Variants in PAK5 observed in about 807,000 individuals in gnomAD.
The protein encoded by PAK5 is serine/threonine-protein kinase PAK 5.
A neutral mutation model predicts 65.9 loss-of-function variants in PAK5; 16 were observed. That is an observed-to-expected ratio of 0.24 (90% CI 0.16 to 0.37). The LOEUF (loss-of-function observed/expected upper bound fraction) is 0.37. Among genes scored for constraint, PAK5 ranks in the 10% least tolerant of loss-of-function variants. The probability of loss-of-function intolerance (pLI) is 1.00; values close to 1 mark genes in which losing one functional copy is unlikely to be tolerated. For synonymous variants in PAK5, 371 were observed against 354.9 expected (o/e 1.05, Z -0.51); for missense variants, 785 against 903.9 (o/e 0.87, Z 1.69).
chr20:9,834,031 C>T (rs192199204), intron 1 of PAK5, among the ~76,000 whole-genome samples: 11 of 152,218 alleles, frequency 7.2e-5, no homozygotes, highest in Admixed American at 7.2e-4. Flanking sequence ...AAAAACATTA[C>T]TGAAATTTTG....
chr20:9,701,174 A>C (rs6039553), intron 2 of PAK5, among the ~76,000 whole-genome samples: 51,729 of 151,786 alleles, frequency 0.34, 9,191 homozygotes, highest in African/African-American at 0.45. Context: ...ATTTCTCTCT[A>C]TATATATAGA....
intron 7 of PAK5, among the ~76,000 whole-genome samples, chr20:9,551,272 T>A (rs2045423706): frequency 6.6e-6 from 1 of 152,106 alleles, no homozygotes; most frequent in African/African-American, 2.4e-5. Flanking sequence ...TTACTTTGGG[T>A]AGAATTGTGC....
At chr20:9,570,365 G>T (rs6133724) in intron 4 of PAK5, among the ~76,000 whole-genome samples, 59,594 of 152,072 alleles carry the variant, frequency 0.39, 15,586 homozygotes, top group African/African-American at 0.76. Context: ...ACAAGATGTA[G>T]TTAACATTAA....
chr20:9,560,959 A>G (rs1187093958), intron 6 of PAK5, among the ~76,000 whole-genome samples: 1 of 152,206 alleles, frequency 6.6e-6, no homozygotes, highest in African/African-American at 2.4e-5. Flanking sequence ...CTGCATTTCT[A>G]ACAAGCTCCC....
chr20:9,663,103 T>C (rs1358780701), intron 2 of PAK5, among the ~76,000 whole-genome samples: 5 of 152,214 alleles, frequency 3.3e-5, no homozygotes, highest in African/African-American at 1.2e-4. Context: ...GAAGATGGAT[T>C]CTATTGTAAT....
chr20:9,592,408 C>T (rs1370132460), intron 3 of PAK5, among the ~76,000 whole-genome samples: 5 of 152,294 alleles, frequency 3.3e-5, no homozygotes, highest in African/African-American at 1.2e-4. Flanking sequence ...GTACTAGTTA[C>T]CCCTAGGGGA....
At chr20:9,828,086 C>A (rs13038856) in intron 1 of PAK5, among the ~76,000 whole-genome samples, 1 of 152,022 alleles carries the variant, frequency 6.6e-6, no homozygotes, top group Non-Finnish European at 1.5e-5. Context: ...CCACCCACCT[C>A]GGCCTCCCAG....
intron 1 of PAK5, among the ~76,000 whole-genome samples, chr20:9,745,512 T>G (rs1054337386): frequency 2.0e-5 from 3 of 152,136 alleles, no homozygotes; most frequent in Non-Finnish European, 4.4e-5. Context: ...TAACTCATCT[T>G]GGCTAATGAA....
intron 3 of PAK5, among the ~76,000 whole-genome samples, chr20:9,601,825 C>T (rs775196066): frequency 7.2e-4 from 110 of 152,272 alleles, no homozygotes; most frequent in African/African-American, 2.2e-3. Flanking sequence ...TGCCAAGAGG[C>T]GTCCAGAACA....
At chr20:9,691,319 G>A (rs1303683488) in intron 2 of PAK5, among the ~76,000 whole-genome samples, 1 of 152,136 alleles carries the variant, frequency 6.6e-6, no homozygotes, top group Non-Finnish European at 1.5e-5. Context: ...ACACTCAGAC[G>A]GTGGTGGGAG....
At chr20:9,742,195 T>C (rs913594062) in intron 1 of PAK5, among the ~76,000 whole-genome samples, 6 of 152,108 alleles carry the variant, frequency 3.9e-5, no homozygotes, top group African/African-American at 1.4e-4. Flanking sequence ...TGTGAATCTG[T>C]GCACAGCAAG....
intron 1 of PAK5, among the ~76,000 whole-genome samples, chr20:9,772,729 G>A (rs541709807): frequency 2.0e-5 from 3 of 152,228 alleles, no homozygotes; most frequent in Non-Finnish European, 4.4e-5. Flanking sequence ...TGAAGTAGAT[G>A]TTGTCAGTGC....
intron 3 of PAK5, among the ~76,000 whole-genome samples, chr20:9,625,358 T>C (rs547667235): frequency 3.3e-5 from 5 of 152,306 alleles, no homozygotes; most frequent in African/African-American, 1.2e-4. Flanking sequence ...TACCCTTAAT[T>C]GAAGAGCTAA....
chr20:9,645,623 T>C (rs535793634), intron 2 of PAK5, among the ~76,000 whole-genome samples: 6 of 152,068 alleles, frequency 3.9e-5, no homozygotes, highest in Non-Finnish European at 8.8e-5. Flanking sequence ...ATCGCTCTGT[T>C]GCCCAGGCTG....
At chr20:9,786,413 T>C (rs1045680130) in intron 1 of PAK5, among the ~76,000 whole-genome samples, 1 of 152,166 alleles carries the variant, frequency 6.6e-6, no homozygotes, top group African/African-American at 2.4e-5. Flanking sequence ...ATTCTAACAC[T>C]GGCCTCATCT....
At chr20:9,542,061 T>G (rs539158025) in intron 9 of PAK5, among the ~76,000 whole-genome samples, 1 of 152,310 alleles carries the variant, frequency 6.6e-6, no homozygotes, top group South Asian at 2.1e-4. Flanking sequence ...AAAAACAGAC[T>G]CATACAACCA....
At chr20:9,741,283 G>T (rs2048448017) in intron 1 of PAK5, among the ~76,000 whole-genome samples, 1 of 152,058 alleles carries the variant, frequency 6.6e-6, no homozygotes, top group African/African-American at 2.4e-5. Flanking sequence ...GAAATAAGAA[G>T]GGAACAAGAC....
chr20:9,757,280 T>C (rs867997049), intron 1 of PAK5, among the ~76,000 whole-genome samples: 4 of 152,204 alleles, frequency 2.6e-5, no homozygotes, highest in Admixed American at 2.6e-4. Flanking sequence ...TAAGGAGTTT[T>C]ATTACAAGTC....
rs200394446 is a variant in PAK5, at chr20:9,730,013, AAGAG to A, written c.-161-18582_-161-18579del. ...GGCAACAGGGAAAAAAAAAAAAAAAAAGAGAGAGAGAGAGAGAGAATTGTCTCGA... is the reference window on the plus strand; with the variant it reads ...GGCAACAGGGAAAAAAAAAAAAAAAAAGAGAGAGAGAGAGAATTGTCTCGA... On this transcript the variant is annotated intron_variant, in intron 1 of 9. Coordinates refer to ENST00000353224, the MANE Select transcript of PAK5 (RefSeq NM_177990.4). Among the ~76,000 whole-genome samples the A allele has an allele frequency of 3.1e-3, 405 of 131,342 alleles. 29 individuals are homozygous for A. Among genetic ancestry groups the A allele is most frequent in the Middle Eastern group, 8.8e-3 (2 of 226 alleles). The allele number at this position is 131,342 out of a possible 152,430, so 86.2% of individuals were successfully genotyped here.
Sources: allele counts gnomAD v4.1 joint callset (sites outside exome capture counted in the v4.1 genomes callset), GRCh38; gene constraint gnomAD v4.1.1; transcripts MANE v1.5; gene names NCBI Gene and HGNC (gene_info 2026-07-23, HGNC 2026-07-21).